Variants in SORL1 observed in about 807,000 individuals in gnomAD.
SORL1 encodes the protein sortilin related receptor 1.
SORL1 carries 127 observed loss-of-function variants against 273.7 expected under a neutral mutation model. The observed-to-expected ratio is 0.46, with a 90% CI of 0.40 to 0.54. The LOEUF is 0.54. Among genes scored for constraint, SORL1 ranks in the 20% least tolerant of loss-of-function variants. SORL1 has a pLI of 0.00. For synonymous variants in SORL1, 1,031 were observed against 1,067.4 expected (o/e 0.97, Z 0.66); for missense variants, 2,494 against 2,846.1 (o/e 0.88, Z 2.81).
At chr11:121,564,909 T>C (rs1049768527) in intron 21 of SORL1, among the ~76,000 whole-genome samples, 2 of 152,116 alleles carry the variant, frequency 1.3e-5, no homozygotes, top group African/African-American at 4.8e-5. Flanking sequence ...CATATTCCAT[T>C]ATTGTTCAGG....
chr11:121,538,648 T>G (rs1047427689), intron 12 of SORL1, among the ~76,000 whole-genome samples: 7 of 152,156 alleles, frequency 4.6e-5, no homozygotes, highest in African/African-American at 1.4e-4. Flanking sequence ...TTATTTTTGC[T>G]TATTTTTTTT....
chr11:121,562,522 G>A (rs1228963725), intron 21 of SORL1, among the ~76,000 whole-genome samples: 3 of 152,326 alleles, frequency 2.0e-5, no homozygotes, highest in Middle Eastern at 3.4e-3. Context: ...CACCTGGGAT[G>A]TGAATCCTCC....
chr11:121,567,861 G>C (rs1862776049), intron 22 of SORL1, among the ~76,000 whole-genome samples: 2 of 152,142 alleles, frequency 1.3e-5, no homozygotes. Context: ...CAGAATTTCT[G>C]CTTTTCCTTA....
intron 3 of SORL1, 139 bp from the exon 4 acceptor site, chr11:121,487,893 C>G: frequency 1.3e-6 from 1 of 765,680 alleles, no homozygotes; most frequent in Non-Finnish European, 2.2e-6. Flanking sequence ...TTGTGGAAGC[C>G]CTGTAAGGCT....
intron 3 of SORL1, among the ~76,000 whole-genome samples, chr11:121,487,774 C>G (rs1275485609): frequency 6.6e-6 from 1 of 152,212 alleles, no homozygotes; most frequent in Non-Finnish European, 1.5e-5. Flanking sequence ...CCTGGTTAAA[C>G]AAGCCCACCT....
At chr11:121,456,139 T>A (rs1239120233) in intron 1 of SORL1, among the ~76,000 whole-genome samples, 3 of 152,240 alleles carry the variant, frequency 2.0e-5, no homozygotes, top group Non-Finnish European at 4.4e-5. Context: ...ATACCTGCTT[T>A]TTCCTCTGCC....
rs1230490942 is a variant in SORL1, at chr11:121,452,381, C to T, written c.50C>T (p.Thr17Ile). The T allele has an allele frequency of 1.3e-6, 2 of 1,552,310 alleles. No homozygotes were observed. The highest frequency in any genetic ancestry group is 1.4e-5 in the African/African-American group (1 of 70,258). ...GAGTCGCGACTCCCGTTCCTATTCA[C>T]CCTGGTCGCACTGCTGCCGCCCGGA... ...RRESRLPFLF[T>I]LVALLPPGAL... is the part of the protein sequence containing the mutation. Residue 17 changes from threonine to isoleucine, a missense_variant, in exon 1 of 48, where the codon ACC (threonine) becomes ATC (isoleucine). By Grantham distance (89) the Thr-to-Ile change is moderately conservative (BLOSUM62 -1). Around this residue, in one of 3 missense-constraint regions of SORL1, gnomAD observed 175 missense variants for 147.1 expected, o/e 1.19. Coordinates refer to ENST00000260197, the MANE Select transcript of SORL1 (RefSeq NM_003105.6). This position sits in a 1 kb window ranked among gnomAD's most constrained non-coding sequence, Gnocchi z 5.3.
At chr11:121,492,383 A>G (rs1445033407) in intron 5 of SORL1, among the ~76,000 whole-genome samples, 2 of 152,018 alleles carry the variant, frequency 1.3e-5, no homozygotes, top group Non-Finnish European at 2.9e-5. Flanking sequence ...AATAAATAAT[A>G]ACTGTCTCAA....
chr11:121,525,298 A>G (rs770611538), intron 11 of SORL1, among the ~76,000 whole-genome samples: 2 of 152,228 alleles, frequency 1.3e-5, no homozygotes, highest in Non-Finnish European at 2.9e-5. Context: ...TTGTGTATCA[A>G]TTGTTCATTC....
intron 11 of SORL1, among the ~76,000 whole-genome samples, chr11:121,531,408 TAA>T (rs1862200899): frequency 6.6e-6 from 1 of 152,060 alleles, no homozygotes; most frequent in Non-Finnish European, 1.5e-5. Flanking sequence ...AATAAAAAAT[TAA>T]AAAAATATTC....
chr11:121,502,276 C>A (rs1174431030), intron 6 of SORL1, among the ~76,000 whole-genome samples: 1 of 151,490 alleles, frequency 6.6e-6, no homozygotes, highest in African/African-American at 2.4e-5. Flanking sequence ...GCTGGGACTA[C>A]AGGTGCCCGC....
Position 121,608,112 on chromosome 11 carries a change from G to A in SORL1, c.5175G>A (p.Ala1725=), listed in dbSNP as rs766336247. Residue 1725 remains alanine, a synonymous_variant, in exon 38 of 48, where the codon GCG becomes GCA. Coordinates refer to ENST00000260197, the MANE Select transcript of SORL1 (RefSeq NM_003105.6). ...CCCTCTGATTTGAAAAGGTGGCTGC[G>A]GTGACTAGTCGTGGAATAGGAAACT... is the stretch of plus-strand genomic sequence containing the variant. The part of the protein sequence containing the change: ...VNTLYTVRVA[A]VTSRGIGNWS... 14 of 1,613,522 alleles carry A rather than the reference G, an allele frequency of 8.7e-6. No homozygotes were observed. Among genetic ancestry groups the A allele is most frequent in the Non-Finnish European group, 1.1e-5 (13 of 1,179,652 alleles).
chr11:121,531,491 G>A (rs1211844746), intron 11 of SORL1, among the ~76,000 whole-genome samples: 1 of 152,180 alleles, frequency 6.6e-6, no homozygotes, highest in African/African-American at 2.4e-5. Context: ...ACATCTTATG[G>A]ATATGTTTGT....
chr11:121,533,488 C>A (rs1862229565), intron 12 of SORL1, among the ~76,000 whole-genome samples: 1 of 152,134 alleles, frequency 6.6e-6, no homozygotes, highest in Non-Finnish European at 1.5e-5. Context: ...TTATCAGAAC[C>A]AGTCCTCTGA....
At chr11:121,581,639 G>A (rs1863017175) in intron 25 of SORL1, among the ~76,000 whole-genome samples, 1 of 152,146 alleles carries the variant, frequency 6.6e-6, no homozygotes, top group Non-Finnish European at 1.5e-5. Context: ...TCTAGAAAAA[G>A]ATAATGCGTT....
At position 121,557,350 on chromosome 11, in the gene SORL1, G is replaced by T. The variant is rs150245521; in HGVS notation, c.2608G>T (p.Val870Phe). ...AGATGGCGACTTCCGACTCACAATC[G>T]TCAATTCCTCTGTGCTTGATCGTCC... ...NPDGDFRLTI[V>F]NSSVLDRPRA... Residue 870 changes from valine (V) to phenylalanine (F), a missense_variant, in exon 19 of 48, where the codon GTC (valine) becomes TTC (phenylalanine). By Grantham distance (50) the Val-to-Phe change is conservative. This residue lies in a region of SORL1 where 1,609 missense variants were observed against 1,816.4 expected (regional missense o/e 0.89). Coordinates refer to ENST00000260197, the MANE Select transcript of SORL1 (RefSeq NM_003105.6). 1.9e-6 allele frequency: 3 copies of T among 1,613,974 alleles called. No individual in the cohort carries two copies. The African/African-American group carries it at 4.0e-5, about 22-fold the overall frequency.
At position 121,619,857 on chromosome 11, in the gene SORL1, G is replaced by C; in HGVS notation, c.5829G>C (p.Thr1943=). The change falls in exon 43 of 48, where the codon ACG becomes ACC. Residue 1943 remains threonine, a synonymous_variant. Transcript: ENST00000260197. ...LPPRHLHVVH[T]GKTSVVIKWE... ...CCCGTCACCTGCATGTGGTTCATAC[G>C]GGCAAAACCTCCGTGGTCATCAAGT... The C allele has an allele frequency of 6.2e-7, 1 of 1,614,036 alleles. No individual in the cohort carries two copies. The highest frequency in any genetic ancestry group is 1.1e-5 in the South Asian group (1 of 91,080).
chr11:121,516,459 T>C (rs578177223), intron 8 of SORL1, among the ~76,000 whole-genome samples: 7 of 152,078 alleles, frequency 4.6e-5, no homozygotes, highest in African/African-American at 1.4e-4. Flanking sequence ...AGGGGCAATA[T>C]TGGGGGGAGA....
rs1159307912 is a variant in SORL1 at position 121,596,954 on chromosome 11, A to G, written c.4519+1182A>G. Among the ~76,000 whole-genome samples, 1 of 152,120 alleles carries G rather than the reference A, an allele frequency of 6.6e-6. No individual in the cohort carries two copies. The highest frequency in any genetic ancestry group is 1.9e-4 in the East Asian group (1 of 5,202). Reference sequence around the variant, plus strand: ...CTGAGGTGGAGGTTAGTCATCTCTTAATTCCTCTAATTCAGTATTTACAAA... The same window carrying G: ...CTGAGGTGGAGGTTAGTCATCTCTTGATTCCTCTAATTCAGTATTTACAAA... On this transcript the variant is annotated intron_variant, in intron 32 of 47. Transcript: ENST00000260197. The surrounding 1 kb of genome is among the most constrained non-coding windows in gnomAD (Gnocchi z 4.3).
Sources: allele counts gnomAD v4.1 joint callset (sites outside exome capture counted in the v4.1 genomes callset), GRCh38; gene constraint gnomAD v4.1.1; regional missense constraint gnomAD v4.1.1; non-coding constraint Gnocchi (gnomAD v3.1); transcripts MANE v1.5; gene names NCBI Gene and HGNC (gene_info 2026-07-23, HGNC 2026-07-21).